TANGO6: variants seen among roughly 807,000 people sequenced by gnomAD.
TANGO6 encodes the protein transport and golgi organization 6 homolog.
A neutral mutation model predicts 114.2 loss-of-function variants in TANGO6; 90 were observed. The observed-to-expected ratio is 0.79, with a 90% CI of 0.66 to 0.94. The LOEUF (loss-of-function observed/expected upper bound fraction) is 0.94, where lower values mean the gene tolerates loss of function less well. TANGO6 is among the 40% of genes least tolerant of loss of function. The pLI, the probability that TANGO6 is intolerant of heterozygous loss-of-function variation, is 0.00. For missense variants in TANGO6, 1,274 were observed against 1,315.3 expected (o/e 0.97, Z 0.49); for synonymous variants, 477 against 509.8 (o/e 0.94, Z 0.87).
intron 12 of TANGO6, among the ~76,000 whole-genome samples, chr16:68,922,972 G>A (rs1333764254): frequency 9.7e-6 from 1 of 102,800 alleles, no homozygotes; most frequent in Non-Finnish European, 1.8e-5. Flanking sequence ...TTTTTGAGAT[G>A]GAGTTTCGCT....
chr16:69,074,492 G>A (rs1171977530), intron 17 of TANGO6, among the ~76,000 whole-genome samples: 1 of 152,044 alleles, frequency 6.6e-6, no homozygotes, highest in Non-Finnish European at 1.5e-5. Flanking sequence ...TACAATACTC[G>A]TATATATGGG....
At chr16:69,050,502 T>C (rs1959931740) in intron 17 of TANGO6, among the ~76,000 whole-genome samples, 1 of 151,710 alleles carries the variant, frequency 6.6e-6, no homozygotes, top group South Asian at 2.1e-4. Flanking sequence ...TTTTTTTTTT[T>C]TTTTTGAGAC....
chr16:69,034,733 A>G (rs1029190611), intron 16 of TANGO6: 1 of 152,150 alleles, frequency 6.6e-6, no homozygotes, highest in African/African-American at 2.4e-5. Context: ...ACTGTCTGCT[A>G]TGATGATGCC....
intron 15 of TANGO6, among the ~76,000 whole-genome samples, chr16:69,015,094 C>G (rs1217901358): frequency 6.6e-6 from 1 of 152,030 alleles, no homozygotes; most frequent in Non-Finnish European, 1.5e-5. Flanking sequence ...ATCACAAGAT[C>G]AGAAGGGAGG....
chr16:69,015,533 G>A (rs2152225608), intron 15 of TANGO6, among the ~76,000 whole-genome samples: 1 of 151,198 alleles, frequency 6.6e-6, no homozygotes, highest in South Asian at 2.1e-4. Context: ...CCAGGCTGGA[G>A]TGCTGTGGCA....
At chr16:69,070,092 C>T (rs1960274477) in intron 17 of TANGO6, among the ~76,000 whole-genome samples, 1 of 151,130 alleles carries the variant, frequency 6.6e-6, no homozygotes, top group Non-Finnish European at 1.5e-5. Flanking sequence ...CCTGTAATCC[C>T]AGCTACTCAG....
intron 17 of TANGO6, among the ~76,000 whole-genome samples, chr16:69,075,980 G>C (rs1469178512): frequency 6.6e-6 from 1 of 151,312 alleles, no homozygotes; most frequent in African/African-American, 2.4e-5. Flanking sequence ...GGCCAGGATG[G>C]TCTCAATCTC....
At chr16:69,002,880 A>T (rs950108030) in intron 15 of TANGO6, among the ~76,000 whole-genome samples, 16 of 151,914 alleles carry the variant, frequency 1.1e-4, no homozygotes, top group Non-Finnish European at 1.9e-4. Context: ...TTTGTCTACT[A>T]AAAATACAAA....
intron 15 of TANGO6, among the ~76,000 whole-genome samples, chr16:69,009,979 C>T (rs1209240333): frequency 6.6e-6 from 1 of 152,120 alleles, no homozygotes; most frequent in South Asian, 2.1e-4. Flanking sequence ...GAGGCCACCC[C>T]CAAATGACTG....
chr16:68,946,302 C>A (rs1415135528), intron 14 of TANGO6, among the ~76,000 whole-genome samples: 1 of 152,000 alleles, frequency 6.6e-6, no homozygotes, highest in African/African-American at 2.4e-5. Context: ...CGCCATTCTC[C>A]TGCCTCAGCC....
chr16:68,982,649 T>TTTTTTTTTTTTTTTTTTTTTTTG (rs1963849354), intron 15 of TANGO6, among the ~76,000 whole-genome samples: 1 of 142,804 alleles, frequency 7.0e-6, no homozygotes, highest in African/African-American at 2.7e-5. Flanking sequence ...TTTTTTTTTT[T>TTTTTTTTTTTTTTTTTTTTTTTG]TTTGTAGAGA....
At chr16:69,027,260 T>A (rs1252780166) in intron 16 of TANGO6, among the ~76,000 whole-genome samples, 1 of 152,194 alleles carries the variant, frequency 6.6e-6, no homozygotes, top group Non-Finnish European at 1.5e-5. Flanking sequence ...TTATGGTATT[T>A]CCTGATTCTT....
At chr16:68,944,245 A>T (rs1473325844) in intron 14 of TANGO6, among the ~76,000 whole-genome samples, 1 of 152,246 alleles carries the variant, frequency 6.6e-6, no homozygotes, top group Non-Finnish European at 1.5e-5. Flanking sequence ...AAACTTATCT[A>T]GGTGACTCAG....
At chr16:68,904,042 A>C (rs1962818128) in intron 9 of TANGO6, among the ~76,000 whole-genome samples, 1 of 152,044 alleles carries the variant, frequency 6.6e-6, no homozygotes, top group Non-Finnish European at 1.5e-5. Context: ...TTTACTCTTT[A>C]TTGTTGAATT....
chr16:68,957,141 G>T (rs1019106680), intron 14 of TANGO6, among the ~76,000 whole-genome samples: 1 of 150,734 alleles, frequency 6.6e-6, no homozygotes, highest in African/African-American at 2.4e-5. Flanking sequence ...ATTTTATTGC[G>T]GTTTTATGTG....
chr16:68,975,385 G>T (rs1021734285), intron 15 of TANGO6, among the ~76,000 whole-genome samples: 3 of 150,802 alleles, frequency 2.0e-5, no homozygotes, highest in Non-Finnish European at 3.0e-5. Context: ...GAACTGCCGC[G>T]CTTTTTTTTT....
In TANGO6 at chr16:68,927,796, A is replaced by G. The variant is rs768474173; in HGVS notation, c.2356A>G (p.Arg786Gly). Residue 786 changes from arginine (R) to glycine (G), a missense_variant, in exon 13 of 18, where the codon AGA (arginine) becomes GGA (glycine). Arg to Gly is a moderately radical substitution (Grantham distance 125). Transcript: ENST00000261778. The stretch of plus-strand genomic sequence containing the variant: ...AGAGCAGCAACAAACCAGTCATGAA[A>G]GACCCACTGATGTAGCTCATAGCCA... ...IEEQQQTSHE[R>G]PTDVAHSHLE... 1.2e-6 allele frequency: 2 copies of G among 1,614,022 alleles called. No individual in the cohort carries two copies. The highest frequency in any genetic ancestry group is 2.2e-5 in the East Asian group (1 of 44,888).
chr16:68,963,790 A>G (rs1461694019), intron 14 of TANGO6, among the ~76,000 whole-genome samples: 1 of 152,094 alleles, frequency 6.6e-6, no homozygotes, highest in African/African-American at 2.4e-5. Context: ...CTGCGTACAT[A>G]CTGATATATT....
At chr16:68,865,822 G>T (rs1289468919) in intron 3 of TANGO6, among the ~76,000 whole-genome samples, 3 of 151,886 alleles carry the variant, frequency 2.0e-5, no homozygotes, top group Admixed American at 6.6e-5. Flanking sequence ...GGAGGCTGAG[G>T]CAGGAGAATG....
Sources: allele counts gnomAD v4.1 joint callset (sites outside exome capture counted in the v4.1 genomes callset), GRCh38; gene constraint gnomAD v4.1.1; transcripts MANE v1.5; gene names NCBI Gene and HGNC (gene_info 2026-07-23, HGNC 2026-07-21).